Variants in TESPA1 observed in about 807,000 individuals in gnomAD.
The protein encoded by TESPA1 is thymocyte expressed, positive selection associated 1, also known as protein TESPA1.
In TESPA1, 33 loss-of-function variants were observed where a neutral mutation model predicts 57.9. The ratio of observed to expected loss-of-function variants is 0.57; its 90% CI spans 0.43 to 0.76. TESPA1 has a LOEUF of 0.76. TESPA1 is among the 30% of genes least tolerant of loss of function. TESPA1 has a pLI of 0.00. For synonymous variants in TESPA1, 227 were observed against 228.9 expected, an observed-to-expected ratio of 0.99 and a Z score of 0.07; for missense variants, 618 against 632.9, an observed-to-expected ratio of 0.98 and a Z score of 0.25.
chr12:54,973,891 C>T, intron 2 of TESPA1: 1 of 1,062,742 alleles, frequency 9.4e-7, no homozygotes, highest in Non-Finnish European at 1.1e-6. Context: ...CATTTATTTC[C>T]ATCAGAATTT....
chr12:54,980,556 T>C (rs1952278243), intron 1 of TESPA1, among the ~76,000 whole-genome samples: 1 of 152,250 alleles, frequency 6.6e-6, no homozygotes. Flanking sequence ...ATGGCTGATG[T>C]GGCCTTGAAT....
chr12:54,975,680 T>C (rs1363132957), intron 1 of TESPA1, among the ~76,000 whole-genome samples: 3 of 111,898 alleles, frequency 2.7e-5, no homozygotes, highest in African/African-American at 1.3e-4. Flanking sequence ...CTTTTAACTA[T>C]TGGAATAAAA....
At chr12:54,973,599 G>T in intron 2 of TESPA1, 80 bp from the exon 3 acceptor site, 2 of 1,609,118 alleles carry the variant, frequency 1.2e-6, no homozygotes, top group African/African-American at 2.7e-5. Flanking sequence ...CATTCCACAA[G>T]TTTATTCTTA....
intron 10 of TESPA1, among the ~76,000 whole-genome samples, chr12:54,951,594 T>C (rs1185052852): frequency 2.0e-5 from 3 of 152,072 alleles, no homozygotes; most frequent in African/African-American, 7.3e-5. Flanking sequence ...CTTTTCATAT[T>C]AATATTTTAA....
Position 54,959,711 on chromosome 12 carries a change from G to A in TESPA1, c.*1+1457C>T, listed in dbSNP as rs145242831. On this transcript the variant is annotated intron_variant, in intron 10 of 10. Coordinates refer to ENST00000449076, the MANE Select transcript of TESPA1 (RefSeq NM_001136030.3). ...TTTGAGGAGAAGTGGTTTGCCCTGT[G>A]ACCCACTTCTCTGATGGGTCTAGAA... 3.6e-3 allele frequency among the ~76,000 whole-genome samples: 554 copies of A among 152,298 alleles called. 4 individuals carry two copies. Among genetic ancestry groups the A allele is most frequent in the Middle Eastern group, 0.01 (3 of 294 alleles).
At chr12:54,974,959 T>C (rs927959248) in intron 1 of TESPA1, among the ~76,000 whole-genome samples, 1 of 152,206 alleles carries the variant, frequency 6.6e-6, no homozygotes, top group African/African-American at 2.4e-5. Context: ...AAGAATGTTG[T>C]CTACCAGAAT....
intron 10 of TESPA1, among the ~76,000 whole-genome samples, chr12:54,957,017 G>C (rs1279892916): frequency 6.6e-6 from 1 of 152,152 alleles, no homozygotes. Flanking sequence ...TGCATGGGGG[G>C]TTAAGGTTCC....
Position 54,966,037 on chromosome 12 carries a change from A to C in TESPA1, c.446+16T>G, listed in dbSNP as rs1384011380. 6.4e-7 allele frequency: 1 copy of C among 1,560,106 alleles called. No homozygotes were observed. Among genetic ancestry groups the C allele is most frequent in the African/African-American group, 1.4e-5 (1 of 73,380 alleles). On this transcript the variant is annotated intron_variant, in intron 7 of 10. Transcript: ENST00000449076. ...ATCTTCTCCACCCTTCCACCCTGCC[A>C]AACTTCAGTACCTACCTTGAACTAG...
chr12:54,980,402 T>C (rs993817267), intron 1 of TESPA1, among the ~76,000 whole-genome samples: 5 of 152,212 alleles, frequency 3.3e-5, no homozygotes, highest in Non-Finnish European at 5.9e-5. Context: ...ACCTAACTTC[T>C]AGTTGGGAGG....
chr12:54,967,886 A>G lies in TESPA1; in HGVS notation c.213T>C (p.Ser71=), dbSNP rs1865459042. The part of the protein sequence containing the change: ...IEDWLQDCGY[S]EEGFSEEAGQ... Reference sequence around the variant, plus strand: ...CTGCTTCCTCAGAAAATCCTTCTTCAGAGTATCTAAACCAAAAACAGTCTT... The same window carrying G: ...CTGCTTCCTCAGAAAATCCTTCTTCGGAGTATCTAAACCAAAAACAGTCTT... The change falls in exon 4 of 11, where the codon TCT becomes TCC. Residue 71 remains serine, a synonymous_variant. Coordinates refer to ENST00000449076, the MANE Select transcript of TESPA1 (RefSeq NM_001136030.3). The G allele has an allele frequency of 1.2e-6, 2 of 1,613,692 alleles. No homozygotes were observed. Among genetic ancestry groups the G allele is most frequent in the East Asian group, 2.2e-5 (1 of 44,874 alleles).
At chr12:54,960,721 G>T (rs1024680272) in intron 10 of TESPA1, among the ~76,000 whole-genome samples, 1 of 152,208 alleles carries the variant, frequency 6.6e-6, no homozygotes, top group Admixed American at 6.5e-5. Context: ...AATCCCAGGG[G>T]ATGCTGATGC....
chr12:54,961,346 G>C, intron 9 of TESPA1, 79 bp from the exon 10 acceptor site: 1 of 1,511,032 alleles, frequency 6.6e-7, no homozygotes, highest in Non-Finnish European at 9.1e-7. Flanking sequence ...GCAGGTAGCT[G>C]TAGGGGAAGG....
intron 10 of TESPA1, among the ~76,000 whole-genome samples, chr12:54,954,956 T>C (rs1950640391): frequency 6.6e-6 from 1 of 152,218 alleles, no homozygotes; most frequent in Non-Finnish European, 1.5e-5. Context: ...TACCCAGAAA[T>C]AGGATTGCTA....
At position 54,962,285 on chromosome 12, in the gene TESPA1, C is replaced by T. The variant is rs1951126162; in HGVS notation, c.1467+146G>A. The T allele has an allele frequency of 3.0e-6, 3 of 997,162 alleles. No individual in the cohort carries two copies. In the South Asian group the frequency reaches 5.0e-5, roughly 17 times the overall value. 61.8% of individuals were successfully genotyped at this position (997,162 alleles called of 1,614,324 possible). A position where few individuals can be genotyped will look rare whatever the true frequency, so the allele number is the denominator to read the frequency against. On this transcript the variant is annotated intron_variant, in intron 9 of 10. Coordinates refer to ENST00000449076, the MANE Select transcript of TESPA1 (RefSeq NM_001136030.3). ...CTGTCTCTTTCTCCCTGTATATTAA[C>T]CCTGAATTGAAATCAGAAAGTGGTA... is the stretch of plus-strand genomic sequence containing the variant.
chr12:54,975,131 T>G (rs1952075216), intron 1 of TESPA1, among the ~76,000 whole-genome samples: 1 of 152,030 alleles, frequency 6.6e-6, no homozygotes. Flanking sequence ...GAATTCTGGG[T>G]TTTGTTTGTT....
chr12:54,966,144 G>C lies in TESPA1; in HGVS notation c.355C>G (p.Leu119Val). ...AGCTGGCAAGGCCTGGCTGTCTCGA[G>C]GAAACTCCTGCAGAGATCAAAGCTG... ...ANGKLFSRSF[L>V]ETARPCQLLD... The change falls in exon 7 of 11, where the codon CTC becomes GTC. Residue 119 changes from leucine (L) to valine (V), a missense_variant. By Grantham distance (32) the Leu-to-Val change is conservative. Around this residue, in one of 3 missense-constraint regions of TESPA1, gnomAD observed 199 missense variants for 184.0 expected, o/e 1.08. Coordinates refer to ENST00000449076, the MANE Select transcript of TESPA1 (RefSeq NM_001136030.3). The C allele has an allele frequency of 6.4e-7, 1 of 1,568,282 alleles. No homozygotes were observed. Among genetic ancestry groups the C allele is most frequent in the South Asian group, 1.2e-5 (1 of 85,304 alleles).
At chr12:54,958,558 G>A (rs1950878630) in intron 10 of TESPA1, among the ~76,000 whole-genome samples, 1 of 151,748 alleles carries the variant, frequency 6.6e-6, no homozygotes, top group African/African-American at 2.4e-5. Context: ...TTTGGTATCT[G>A]ACATTCATTT....
chr12:54,959,042 A>G (rs1003964965), intron 10 of TESPA1, among the ~76,000 whole-genome samples: 1 of 152,186 alleles, frequency 6.6e-6, no homozygotes, highest in East Asian at 1.9e-4. Flanking sequence ...GCCTTTTACT[A>G]TGTCTTTTTT....
intron 10 of TESPA1, among the ~76,000 whole-genome samples, chr12:54,957,613 A>G (rs995899249): frequency 6.6e-6 from 1 of 152,196 alleles, no homozygotes; most frequent in Non-Finnish European, 1.5e-5. Context: ...TGGTTAAACA[A>G]ATGCACAGGA....
Sources: gnomAD v4.1 joint callset for allele counts (sites outside exome capture counted in the v4.1 genomes callset) on GRCh38, gnomAD v4.1.1 for gene constraint, gnomAD v4.1.1 regional missense constraint, MANE v1.5 for transcripts, NCBI Gene and HGNC (gene_info 2026-07-23, HGNC 2026-07-21) for gene names.